CHD8: variants seen among roughly 807,000 people sequenced by gnomAD.
CHD8 encodes chromodomain helicase DNA binding protein 8.
A neutral mutation model predicts 279.2 loss-of-function variants in CHD8; 31 were observed. The observed-to-expected ratio is 0.11, with a 90% CI of 0.08 to 0.15. The LOEUF (loss-of-function observed/expected upper bound fraction) is 0.15, where lower values mean the gene tolerates loss of function less well. Ranked by LOEUF, CHD8 falls within the 10% of genes least tolerant of loss-of-function variation. CHD8 has a pLI of 1.00. For missense variants in CHD8, 2,146 were observed against 3,230.5 expected (o/e 0.66, Z 8.14); for synonymous variants, 1,081 against 1,139.6 (o/e 0.95, Z 1.04).
chr14:21,443,336 A>G (rs1594391778), intron 1 of CHD8, among the ~76,000 whole-genome samples: 2 of 152,054 alleles, frequency 1.3e-5, no homozygotes, highest in African/African-American at 4.8e-5. Flanking sequence ...GCTTGCAGTG[A>G]GCCGAGACTG....
Position 21,408,273 on chromosome 14 carries a change from T to G in CHD8, c.2730+39A>C. ...TAAAATACCAGGTACCTTGGCCGAC[T>G]TTCTCTAACTCATAGTATTCCCAAG... On this transcript the variant is annotated intron_variant, in intron 13 of 37. Coordinates refer to ENST00000646647, the MANE Select transcript of CHD8 (RefSeq NM_001170629.2). This position sits in a 1 kb window ranked among gnomAD's most constrained non-coding sequence, Gnocchi z 4.3. 2 of 1,594,138 alleles carry G rather than the reference T, an allele frequency of 1.3e-6. No individual in the cohort carries two copies. Among genetic ancestry groups the G allele is most frequent in the Non-Finnish European group, 1.7e-6 (2 of 1,169,488 alleles).
At chr14:21,440,579 A>G (rs980245079) in intron 1 of CHD8, among the ~76,000 whole-genome samples, 6 of 152,198 alleles carry the variant, frequency 3.9e-5, no homozygotes, top group African/African-American at 1.4e-4. Context: ...AGAAAGGGAT[A>G]TTCAGGCAGC....
rs796592720 is a variant in CHD8, at chr14:21,438,061, C to T, written c.-215-6203G>A. On this transcript the variant is annotated intron_variant, in intron 1 of 37. Transcript: ENST00000646647. The stretch of plus-strand genomic sequence containing the variant: ...GCAAGCTTAAATCCACCAAAGTAAA[C>T]TTGTTTTTTCCTTTTTTGAGACAGA... Among the ~76,000 whole-genome samples the T allele has an allele frequency of 7.2e-5, 11 of 152,154 alleles. 1 individual carries two copies. Among genetic ancestry groups the T allele is most frequent in the African/African-American group, 2.6e-4 (11 of 41,544 alleles).
rs115118039 is a variant in CHD8 at position 21,433,561 on chromosome 14, C to T, written c.-215-1703G>A. Among the ~76,000 whole-genome samples the T allele has an allele frequency of 9.6e-3, 1,460 of 152,208 alleles. 22 individuals are homozygous for T. Among genetic ancestry groups the T allele is most frequent in the African/African-American group, 0.034 (1,402 of 41,548 alleles). On this transcript the variant is annotated intron_variant, in intron 1 of 37. Coordinates refer to ENST00000646647, the MANE Select transcript of CHD8 (RefSeq NM_001170629.2). ...ATATAACCCCCATGCTATGTTTTTT[C>T]CTTCCCAACCCATCTCACTTATCCT...
chr14:21,423,885 G>A (rs1229139590), intron 5 of CHD8, among the ~76,000 whole-genome samples: 1 of 152,166 alleles, frequency 6.6e-6, no homozygotes, highest in Non-Finnish European at 1.5e-5. Context: ...AAGGTACCAA[G>A]AGGCTAAGAA....
In CHD8 at chr14:21,431,071, C is replaced by T. The variant is rs1204709376; in HGVS notation, c.573G>A (p.Val191=). Residue 191 remains valine, a synonymous_variant, in exon 2 of 38, where the codon GTG becomes GTA. Coordinates refer to ENST00000646647, the MANE Select transcript of CHD8 (RefSeq NM_001170629.2). ...CTTTTCCACCATTGGCTGTGCCTGC[C>T]ACCAGGGGCTGAGCTGTGCTGGTGA... ...QGITSTAQPL[V]AGTANGGKVT... 6.3e-7 allele frequency: 1 copy of T among 1,599,352 alleles called. No individual in the cohort carries two copies.
At chr14:21,447,842 GT>G (rs1415674868) in intron 1 of CHD8, among the ~76,000 whole-genome samples, 5 of 151,966 alleles carry the variant, frequency 3.3e-5, no homozygotes, top group Non-Finnish European at 7.4e-5. Flanking sequence ...CTTAGGTCAA[GT>G]TTGGACTGGA....
At chr14:21,445,255 A>G (rs563192021) in intron 1 of CHD8, among the ~76,000 whole-genome samples, 23 of 152,212 alleles carry the variant, frequency 1.5e-4, no homozygotes, top group African/African-American at 5.5e-4. Flanking sequence ...TTTAATTCTT[A>G]CTTATCCTTC....
At chr14:21,399,293 T>C (rs537420023) in intron 26 of CHD8, 6 of 339,174 alleles carry the variant, frequency 1.8e-5, no homozygotes, top group Non-Finnish European at 2.8e-5. Flanking sequence ...TTGGGGTATA[T>C]TACCTGCCCT....
Position 21,385,733 on chromosome 14 carries a change from CTCATCG to C in CHD8, c.7620_7625del (p.Asp2540_Asp2541del). ...ATAAGTCATCATCATCTTCTTCATC[CTCATCG>C]TCATCCTCCTCAGGTTGCAGTGGTG... On this transcript the variant is annotated inframe_deletion, in exon 38 of 38. Transcript: ENST00000646647. 6.4e-7 allele frequency: 1 copy of C among 1,551,596 alleles called. No individual in the cohort carries two copies. The highest frequency in any genetic ancestry group is 1.2e-5 in the South Asian group (1 of 84,046).
At chr14:21,397,327 C>T (rs781115509) in intron 27 of CHD8, 5 of 518,846 alleles carry the variant, frequency 9.6e-6, no homozygotes, top group South Asian at 7.0e-5. Context: ...TTTTGTTAAA[C>T]TCACTGGCAC....
intron 5 of CHD8, among the ~76,000 whole-genome samples, chr14:21,421,295 A>G (rs1340504363): frequency 6.6e-6 from 1 of 152,100 alleles, no homozygotes; most frequent in African/African-American, 2.4e-5. Flanking sequence ...TAAACATTAA[A>G]GAGATACTAC....
chr14:21,450,033 A>C (rs1890220884), intron 1 of CHD8, among the ~76,000 whole-genome samples: 1 of 152,252 alleles, frequency 6.6e-6, no homozygotes, highest in South Asian at 2.1e-4. Flanking sequence ...ATGACTGAGT[A>C]CTGAGTAGAA....
chr14:21,389,040 G>A (rs1342446868), intron 37 of CHD8, among the ~76,000 whole-genome samples: 1 of 152,156 alleles, frequency 6.6e-6, no homozygotes, highest in East Asian at 1.9e-4. Flanking sequence ...TGTGGCTCAC[G>A]CCTGTAATCC....
intron 1 of CHD8, among the ~76,000 whole-genome samples, chr14:21,443,034 G>A (rs1458477824): frequency 1.3e-5 from 2 of 152,094 alleles, no homozygotes; most frequent in African/African-American, 4.8e-5. Flanking sequence ...TTTTCCAAAA[G>A]CCAGAATTTT....
At chr14:21,387,659 A>AT (rs1887320852) in intron 37 of CHD8, among the ~76,000 whole-genome samples, 2 of 148,968 alleles carry the variant, frequency 1.3e-5, no homozygotes. Context: ...AAAAAAAAAA[A>AT]GCTGGGTGTG....
chr14:21,385,591 C>A lies in CHD8; in HGVS notation c.*22G>T. 1 of 1,542,864 alleles carries A rather than the reference C, an allele frequency of 6.5e-7. No homozygotes were observed. ...AATGAAAATACAGCAGCCGCCCAAG[C>A]AATGGGGCCCATGCTGGGGCTTCAG... On this transcript the variant is annotated 3_prime_UTR_variant, in exon 38 of 38. Coordinates refer to ENST00000646647, the MANE Select transcript of CHD8 (RefSeq NM_001170629.2).
intron 10 of CHD8, among the ~76,000 whole-genome samples, chr14:21,410,860 T>C (rs1372634146): frequency 6.6e-6 from 1 of 152,222 alleles, no homozygotes; most frequent in Non-Finnish European, 1.5e-5. Context: ...CTTGCTCTTT[T>C]ACCTTTTTCT....
intron 36 of CHD8, 51 bp from the exon 37 acceptor site, chr14:21,391,114 G>T: frequency 8.7e-7 from 1 of 1,147,222 alleles, no homozygotes; most frequent in Non-Finnish European, 1.3e-6. Flanking sequence ...CTTCTCTGGA[G>T]TAATTATTAA....
Sources: gnomAD v4.1 joint callset for allele counts (sites outside exome capture counted in the v4.1 genomes callset) on GRCh38, gnomAD v4.1.1 for gene constraint, Gnocchi (gnomAD v3.1) non-coding constraint, MANE v1.5 for transcripts, NCBI Gene and HGNC (gene_info 2026-07-23, HGNC 2026-07-21) for gene names.